The following ERBB4 variants were observed in gnomAD, a reference collection of about 807,000 sequenced individuals.
ERBB4 encodes erb-b2 receptor tyrosine kinase 4, also known as receptor tyrosine-protein kinase erbB-4.
A neutral mutation model predicts 158.0 loss-of-function variants in ERBB4; 42 were observed. The ratio of observed to expected loss-of-function variants is 0.27; its 90% CI spans 0.21 to 0.34. The LOEUF is 0.34. ERBB4 is among the 10% of genes least tolerant of loss of function. The pLI, the probability that ERBB4 is intolerant of heterozygous loss-of-function variation, is 1.00. For missense variants in ERBB4, 1,333 were observed against 1,624.1 expected, an observed-to-expected ratio of 0.82 and a Z score of 3.08; for synonymous variants, 583 against 558.7, an observed-to-expected ratio of 1.04 and a Z score of -0.61.
At chr2:212,390,154 T>C (rs1329144602) in intron 1 of ERBB4, among the ~76,000 whole-genome samples, 1 of 151,836 alleles carries the variant, frequency 6.6e-6, no homozygotes, top group African/African-American at 2.4e-5. Flanking sequence ...AATTAAAATG[T>C]AACATCTCAG....
chr2:212,398,461 G>C (rs772062031), intron 1 of ERBB4, among the ~76,000 whole-genome samples: 1 of 151,998 alleles, frequency 6.6e-6, no homozygotes, highest in East Asian at 1.9e-4. Context: ...AAGATCAATA[G>C]TTCATCCTAA....
At chr2:211,520,953 T>C (rs1407007880) in intron 20 of ERBB4, among the ~76,000 whole-genome samples, 2 of 152,106 alleles carry the variant, frequency 1.3e-5, no homozygotes, top group African/African-American at 4.8e-5. Flanking sequence ...TAAATGTAGG[T>C]TCTAACTGCT....
intron 1 of ERBB4, among the ~76,000 whole-genome samples, chr2:212,403,416 A>C (rs977016096): frequency 6.6e-6 from 1 of 152,094 alleles, no homozygotes; most frequent in Non-Finnish European, 1.5e-5. Context: ...AAGAATTATA[A>C]TCAGAATCTC....
At chr2:212,184,919 C>T (rs1160491058) in intron 1 of ERBB4, among the ~76,000 whole-genome samples, 2 of 151,968 alleles carry the variant, frequency 1.3e-5, no homozygotes, top group African/African-American at 4.8e-5. Context: ...TTAACAAGGA[C>T]CAATCTAGTG....
At chr2:211,413,948 A>C (rs541855364) in intron 25 of ERBB4, among the ~76,000 whole-genome samples, 4 of 151,404 alleles carry the variant, frequency 2.6e-5, no homozygotes, top group Non-Finnish European at 5.9e-5. Context: ...CCCCTGGATA[A>C]GGCGCAAATT....
At chr2:211,605,594 T>C (rs549147231) in intron 19 of ERBB4, among the ~76,000 whole-genome samples, 2 of 152,182 alleles carry the variant, frequency 1.3e-5, no homozygotes, top group East Asian at 1.9e-4. Flanking sequence ...ATCCTGAAGG[T>C]AGCATTACTC....
intron 3 of ERBB4, among the ~76,000 whole-genome samples, chr2:211,788,909 A>T (rs948446286): frequency 8.5e-5 from 13 of 152,290 alleles, no homozygotes; most frequent in African/African-American, 1.9e-4. Context: ...CCTGTGGTTC[A>T]CTGAAGTAAG....
chr2:211,511,606 T>C (rs894468133), intron 20 of ERBB4, among the ~76,000 whole-genome samples: 2 of 152,100 alleles, frequency 1.3e-5, no homozygotes, highest in Admixed American at 1.3e-4. Context: ...AGTATGCTTT[T>C]CAGATAAGCA....
At chr2:211,935,457 C>T (rs1317705612) in intron 3 of ERBB4, among the ~76,000 whole-genome samples, 1 of 152,178 alleles carries the variant, frequency 6.6e-6, no homozygotes, top group African/African-American at 2.4e-5. Context: ...CCAGTACACA[C>T]TCTTTCTCTC....
At chr2:211,939,537 G>A (rs1367954001) in intron 3 of ERBB4, among the ~76,000 whole-genome samples, 2 of 152,056 alleles carry the variant, frequency 1.3e-5, no homozygotes, top group African/African-American at 2.4e-5. Flanking sequence ...AGGGTGTTAG[G>A]TTCTGCCAAG....
chr2:211,528,281 A>G (rs577148980), intron 20 of ERBB4, among the ~76,000 whole-genome samples: 5 of 152,072 alleles, frequency 3.3e-5, no homozygotes, highest in Non-Finnish European at 7.4e-5. Flanking sequence ...ATATAATGAT[A>G]AAGGGGTCAA....
chr2:211,726,012 T>C (rs971923577), intron 5 of ERBB4, among the ~76,000 whole-genome samples: 1 of 152,196 alleles, frequency 6.6e-6, no homozygotes. Flanking sequence ...TCCATCAACA[T>C]TATAGCAATA....
intron 1 of ERBB4, among the ~76,000 whole-genome samples, chr2:212,323,972 C>T (rs957735013): frequency 1.3e-5 from 2 of 150,468 alleles, no homozygotes; most frequent in East Asian, 3.9e-4. Context: ...GTTTGCTCTG[C>T]CTTCATCACT....
intron 1 of ERBB4, among the ~76,000 whole-genome samples, chr2:212,445,100 C>T (rs1335878851): frequency 1.3e-5 from 2 of 151,926 alleles, no homozygotes; most frequent in African/African-American, 4.8e-5. Context: ...CTGGTCTTAC[C>T]ATGTTCCCCA....
At chr2:212,270,532 G>C (rs1559891658) in intron 1 of ERBB4, among the ~76,000 whole-genome samples, 5 of 151,702 alleles carry the variant, frequency 3.3e-5, no homozygotes, top group African/African-American at 1.2e-4. Flanking sequence ...TTGAAAAATA[G>C]TGAAGGAGTC....
rs1390131276 is a variant in ERBB4, at chr2:211,662,083, G to C, written c.1871+3240C>G. ...AAAAAAAAAAAAAAAAAAAAAAAAA[G>C]ATTAAGGTACATGTGACATTTAATA... On this transcript the variant is annotated intron_variant, in intron 15 of 27. Transcript: ENST00000342788. 8.6e-5 allele frequency among the ~76,000 whole-genome samples: 7 copies of C among 81,418 alleles called. 1 individual carries two copies. The highest frequency in any genetic ancestry group is 6.3e-4 in the Admixed American group (4 of 6,374). 53.4% of individuals were successfully genotyped at this position (81,418 alleles called of 152,430 possible). A position where few individuals can be genotyped will look rare whatever the true frequency, so the allele number is the denominator to read the frequency against.
chr2:212,167,866 A>G (rs1219504651), intron 1 of ERBB4, among the ~76,000 whole-genome samples: 1 of 152,068 alleles, frequency 6.6e-6, no homozygotes, highest in Non-Finnish European at 1.5e-5. Flanking sequence ...ACATGTTCTC[A>G]CTCATAAGTG....
intron 17 of ERBB4, among the ~76,000 whole-genome samples, chr2:211,626,394 A>T (rs142218750): frequency 6.6e-6 from 1 of 152,204 alleles, no homozygotes; most frequent in East Asian, 1.9e-4. Context: ...CTTTAAGTGT[A>T]TGCAAACAAT....
At position 212,166,475 on chromosome 2, in the gene ERBB4, T is replaced by A. The variant is rs564563910; in HGVS notation, c.83-41572A>T. Among the ~76,000 whole-genome samples the A allele has an allele frequency of 3.3e-5, 5 of 151,922 alleles. No individual in the cohort carries two copies. In the South Asian group the frequency reaches 1.0e-3, roughly 32 times the overall value. ...TGGAAAAACATTCTATCCTCATGGA[T>A]AGGAAGAATCGGTCTCATGAAAATG... On this transcript the variant is annotated intron_variant, in intron 1 of 27. Coordinates refer to ENST00000342788, the MANE Select transcript of ERBB4 (RefSeq NM_005235.3).
Sources: gnomAD v4.1 joint callset for allele counts (sites outside exome capture counted in the v4.1 genomes callset) on GRCh38, gnomAD v4.1.1 for gene constraint, MANE v1.5 for transcripts, NCBI Gene and HGNC (gene_info 2026-07-23, HGNC 2026-07-21) for gene names.